EBF4: variants seen among roughly 807,000 people sequenced by gnomAD.
EBF4 encodes the protein transcription factor COE4.
In EBF4, 34 loss-of-function variants were observed where a neutral mutation model predicts 67.1. The ratio of observed to expected loss-of-function variants is 0.51; its 90% CI spans 0.39 to 0.67. EBF4 has a LOEUF of 0.67. Ranked by LOEUF, EBF4 falls within the 30% of genes least tolerant of loss-of-function variation. The pLI, the probability that EBF4 is intolerant of heterozygous loss-of-function variation, is 0.00. For missense variants in EBF4, 837 were observed against 873.3 expected (o/e 0.96, Z 0.52); for synonymous variants, 387 against 377.7 (o/e 1.02, Z -0.29).
intron 15 of EBF4, chr20:2,758,690 G>A: frequency 1.7e-6 from 1 of 584,828 alleles, no homozygotes; most frequent in Non-Finnish European, 3.1e-6. Flanking sequence ...TCTCTCTTGA[G>A]GGAGGTAGGG....
At chr20:2,721,376 A>G (rs2087679072) in intron 6 of EBF4, among the ~76,000 whole-genome samples, 1 of 151,350 alleles carries the variant, frequency 6.6e-6, no homozygotes, top group Admixed American at 6.6e-5. Context: ...ATTCCATGCA[A>G]TTTTAAAAAT....
At chr20:2,733,112 A>C (rs2087835926) in intron 6 of EBF4, among the ~76,000 whole-genome samples, 1 of 152,154 alleles carries the variant, frequency 6.6e-6, no homozygotes, top group Non-Finnish European at 1.5e-5. Context: ...GTTTATCTGA[A>C]AATGTCTCAA....
intron 1 of EBF4, among the ~76,000 whole-genome samples, chr20:2,698,913 G>T (rs1161069622): frequency 3.3e-5 from 5 of 152,154 alleles, no homozygotes; most frequent in Non-Finnish European, 7.3e-5. Flanking sequence ...GGAGGCCGAG[G>T]CTCCAGCCTT....
At chr20:2,719,623 T>G (rs971221223) in intron 6 of EBF4, among the ~76,000 whole-genome samples, 9 of 152,286 alleles carry the variant, frequency 5.9e-5, no homozygotes, top group African/African-American at 2.2e-4. Context: ...CATGCTGGTC[T>G]CGAACTACAG....
At position 2,756,068 on chromosome 20, in the gene EBF4, G is replaced by A. The variant is rs2088239052; in HGVS notation, c.1738+244G>A. On this transcript the variant is annotated intron_variant, in intron 15 of 16. Coordinates refer to ENST00000609451, the Ensembl canonical transcript of EBF4. The surrounding 1 kb of genome is among the most constrained non-coding windows in gnomAD (Gnocchi z 4.5). ...TGCTCTCAGTTGACCACTTGGCCAAGGGGAAGAGACTCAAATCACAGTTGA... is the reference window on the plus strand; with the variant it reads ...TGCTCTCAGTTGACCACTTGGCCAAAGGGAAGAGACTCAAATCACAGTTGA... 6.6e-6 allele frequency among the ~76,000 whole-genome samples: 1 copy of A among 152,202 alleles called. No homozygotes were observed. Among genetic ancestry groups the A allele is most frequent in the African/African-American group, 2.4e-5 (1 of 41,444 alleles).
chr20:2,693,318 C>T (rs528160713), upstream of EBF4, among the ~76,000 whole-genome samples: 77 of 150,218 alleles, frequency 5.1e-4, no homozygotes, highest in African/African-American at 1.8e-3. The surrounding 1 kb of genome is among the most constrained non-coding windows in gnomAD (Gnocchi z 4.6). Flanking sequence ...CAGAGCGCGC[C>T]TCTGGGGCGC....
In EBF4 at chr20:2,755,428, C is replaced by A; in HGVS notation, c.1541-199C>A. 1 of 575,890 alleles carries A rather than the reference C, an allele frequency of 1.7e-6. No individual in the cohort carries two copies. The highest frequency in any genetic ancestry group is 3.1e-5 in the Admixed American group (1 of 31,916). The allele number at this position is 575,890 out of a possible 1,614,324, so 35.7% of individuals were successfully genotyped here. On this transcript the variant is annotated intron_variant, in intron 14 of 16. Transcript: ENST00000609451. The surrounding 1 kb of genome is among the most constrained non-coding windows in gnomAD (Gnocchi z 4.7). ...TGGTCTGGCCCTGTCATCCCCAGCC[C>A]CGAGAAAAGGTCTCCAGAACCGCTG...
Position 2,748,719 on chromosome 20 carries a change from A to G in EBF4, c.639+89A>G, listed in dbSNP as rs2088092121. The stretch of plus-strand genomic sequence containing the variant: ...GGGAAGGGAAGGCTGTGACCCTGCC[A>G]CCCTGGGAAAGGCCTCCAAGGCAGA... On this transcript the variant is annotated intron_variant, in intron 7 of 16. Transcript: ENST00000609451. 3.5e-6 allele frequency: 5 copies of G among 1,434,350 alleles called. No individual in the cohort carries two copies. The South Asian group carries it at 3.9e-5, about 11-fold the overall frequency. The allele number at this position is 1,434,350 out of a possible 1,614,324, so 88.9% of individuals were successfully genotyped here.
At chr20:2,705,123 G>A (rs1433710008) in intron 1 of EBF4, among the ~76,000 whole-genome samples, 2 of 152,264 alleles carry the variant, frequency 1.3e-5, no homozygotes, top group Non-Finnish European at 2.9e-5. Flanking sequence ...CAACACCACA[G>A]GCTCATGACA....
At chr20:2,699,256 C>G (rs2087340584) in intron 1 of EBF4, among the ~76,000 whole-genome samples, 1 of 152,212 alleles carries the variant, frequency 6.6e-6, no homozygotes, top group Non-Finnish European at 1.5e-5. Flanking sequence ...CCTGAATGAC[C>G]TAGTCTGTGA....
intron 6 of EBF4, among the ~76,000 whole-genome samples, chr20:2,744,666 AT>A (rs1358680703): frequency 6.6e-6 from 1 of 151,092 alleles, no homozygotes. Context: ...TAATTTCTAT[AT>A]TTTTAATAGA....
chr20:2,708,394 T>G (rs994228886), intron 5 of EBF4, among the ~76,000 whole-genome samples: 1 of 152,156 alleles, frequency 6.6e-6, no homozygotes, highest in Non-Finnish European at 1.5e-5. Context: ...AAATTTTGAA[T>G]CCTAGGGCAG....
intron 6 of EBF4, among the ~76,000 whole-genome samples, chr20:2,711,157 T>TAAC (rs1380578919): frequency 8.3e-6 from 1 of 120,184 alleles, no homozygotes; most frequent in Non-Finnish European, 1.8e-5. Context: ...AAAATAATAA[T>TAAC]AATAATAATA....
intron 6 of EBF4, among the ~76,000 whole-genome samples, chr20:2,720,845 G>A (rs1195791390): frequency 3.3e-5 from 5 of 152,114 alleles, no homozygotes; most frequent in Non-Finnish European, 7.4e-5. Context: ...ATTTTGCTGG[G>A]TATAGAATTA....
chr20:2,744,492 C>CTTTTTTTTTTTT (rs35298353), intron 6 of EBF4, among the ~76,000 whole-genome samples: 1 of 115,892 alleles, frequency 8.6e-6, no homozygotes. Flanking sequence ...TTTTTCTTTT[C>CTTTTTTTTTTTT]TTTTTTTTTT....
At chr20:2,725,411 A>G (rs1263824238) in intron 6 of EBF4, among the ~76,000 whole-genome samples, 1 of 151,928 alleles carries the variant, frequency 6.6e-6, no homozygotes, top group Non-Finnish European at 1.5e-5. Context: ...ATCTTTTGCA[A>G]TATGTCTAGT....
intron 7 of EBF4, 23 bp downstream of exon 7, chr20:2,748,653 C>G: frequency 3.2e-6 from 5 of 1,546,604 alleles, no homozygotes; most frequent in Non-Finnish European, 4.4e-6. Flanking sequence ...AGAGGGTTTC[C>G]CCTTGCAACC....
chr20:2,749,835 C>G lies in EBF4; in HGVS notation c.892-12C>G. On this transcript the variant is annotated splice_polypyrimidine_tract_variant and intron_variant, in intron 9 of 16. Transcript: ENST00000609451. Reference sequence around the variant, plus strand: ...GGTGCGGGACCTGCAGGCCTCCCCTCTCCCCTCGCAGCTCATCACGCCCCA... The same window carrying G: ...GGTGCGGGACCTGCAGGCCTCCCCTGTCCCCTCGCAGCTCATCACGCCCCA... 6.5e-7 allele frequency: 1 copy of G among 1,547,250 alleles called. No individual in the cohort carries two copies.
intron 6 of EBF4, among the ~76,000 whole-genome samples, chr20:2,720,268 T>A (rs2087662736): frequency 6.6e-6 from 1 of 152,166 alleles, no homozygotes; most frequent in Admixed American, 6.5e-5. Flanking sequence ...AGCTGAATTT[T>A]TGTATTTTTG....
Sources: allele counts gnomAD v4.1 joint callset (sites outside exome capture counted in the v4.1 genomes callset), GRCh38; gene constraint gnomAD v4.1.1; non-coding constraint Gnocchi (gnomAD v3.1); transcripts MANE v1.5; gene names NCBI Gene and HGNC (gene_info 2026-07-23, HGNC 2026-07-21).